Variants in CAMSAP1 observed in about 807,000 individuals in gnomAD.
The protein encoded by CAMSAP1 is calmodulin-regulated spectrin-associated protein 1.
CAMSAP1 carries 58 observed loss-of-function variants against 143.5 expected under a neutral mutation model. That is an observed-to-expected ratio of 0.40 (90% CI 0.33 to 0.50). CAMSAP1 has a LOEUF of 0.50. CAMSAP1 is among the 20% of genes least tolerant of loss of function. CAMSAP1 has a pLI of 0.45. For missense variants in CAMSAP1, 1,969 were observed against 2,115.7 expected, an observed-to-expected ratio of 0.93 and a Z score of 1.36; for synonymous variants, 945 against 859.3, an observed-to-expected ratio of 1.10 and a Z score of -1.74.
rs111392310 is a variant in CAMSAP1, at chr9:135,840,976, G to T, written c.1045+9161C>A. 3.4e-3 allele frequency among the ~76,000 whole-genome samples: 521 copies of T among 152,196 alleles called. 3 individuals carry two copies. Among genetic ancestry groups the T allele is most frequent in the Middle Eastern group, 0.014 (4 of 294 alleles). On this transcript the variant is annotated intron_variant, in intron 7 of 16. Coordinates refer to ENST00000389532, the MANE Select transcript of CAMSAP1 (RefSeq NM_015447.4). ...GAGTTTTTTTTCATACCCTAGTGGTGCCTGGAACGCCAGCGAGGCAGAACT... is the reference window on the plus strand; with the variant it reads ...GAGTTTTTTTTCATACCCTAGTGGTTCCTGGAACGCCAGCGAGGCAGAACT...
intron 7 of CAMSAP1, among the ~76,000 whole-genome samples, chr9:135,838,036 T>C (rs561310407): frequency 7.1e-4 from 108 of 151,432 alleles, no homozygotes; most frequent in Admixed American, 2.3e-3. Context: ...TTCTACCCCC[T>C]GTACAGACAC....
intron 1 of CAMSAP1, among the ~76,000 whole-genome samples, chr9:135,892,848 CAAAAAAA>C (rs59978082): frequency 0.1 from 4,331 of 42,134 alleles, 368 homozygotes; most frequent in Middle Eastern, 0.19. Flanking sequence ...AAGACTGTCT[CAAAAAAA>C]AAAAAAAAAA....
Position 135,823,179 on chromosome 9 carries a change from G to A in CAMSAP1, c.1482C>T (p.Ser494=). 1.2e-6 allele frequency: 2 copies of A among 1,603,320 alleles called. No homozygotes were observed. Among genetic ancestry groups the A allele is most frequent in the Non-Finnish European group, 1.7e-6 (2 of 1,173,098 alleles). The change falls in exon 11 of 17, where the codon AGC becomes AGT. Residue 494 remains serine, a synonymous_variant. Coordinates refer to ENST00000389532, the MANE Select transcript of CAMSAP1 (RefSeq NM_015447.4). ...TGTCTTTGCTGATGGAGCGGGCCAA[G>A]CTGATGCTGTCGCCAGAGCTGGGAT... is the stretch of plus-strand genomic sequence containing the variant. ...EVDPSSGDSI[S]LARSISKDSL...
chr9:135,821,175 C>A lies in CAMSAP1; in HGVS notation c.3486G>T (p.Gly1162=), dbSNP rs1371973379. 3 of 1,610,892 alleles carry A rather than the reference C, an allele frequency of 1.9e-6. No homozygotes were observed. Among genetic ancestry groups the A allele is most frequent in the Non-Finnish European group, 2.5e-6 (3 of 1,179,892 alleles). ...GCCTGTAACTGTCGAAGAGACACTTCCCATGTGGGTCACCACTGGGCTCCA... is the reference window on the plus strand; with the variant it reads ...GCCTGTAACTGTCGAAGAGACACTTACCATGTGGGTCACCACTGGGCTCCA... The part of the protein sequence containing the change: ...SALEPSGDPH[G]KCLFDSYRLH... Residue 1162 remains glycine (G), a synonymous_variant, in exon 11 of 17, where the codon GGG becomes GGT. Transcript: ENST00000389532. The surrounding 1 kb of genome is among the most constrained non-coding windows in gnomAD (Gnocchi z 4.6).
intron 3 of CAMSAP1, among the ~76,000 whole-genome samples, chr9:135,881,108 C>T (rs950075377): frequency 6.6e-6 from 1 of 151,978 alleles, no homozygotes; most frequent in Non-Finnish European, 1.5e-5. Context: ...TTCAGGAGGT[C>T]AAGGAGGGAG....
At position 135,882,621 on chromosome 9, in the gene CAMSAP1, C is replaced by T. The variant is rs1837995808; in HGVS notation, c.423+195G>A. On this transcript the variant is annotated intron_variant, in intron 2 of 16. Transcript: ENST00000389532. The surrounding 1 kb of genome is among the most constrained non-coding windows in gnomAD (Gnocchi z 4.9). The stretch of plus-strand genomic sequence containing the variant: ...AGAAAAAGAGCTCAATGAAAGCTCT[C>T]TTTTCCCCATTCTCCACAACAGTCA... Among the ~76,000 whole-genome samples the T allele has an allele frequency of 1.3e-5, 2 of 152,236 alleles. No homozygotes were observed. Among genetic ancestry groups the T allele is most frequent in the South Asian group, 2.1e-4 (1 of 4,826 alleles).
intron 14 of CAMSAP1, 29 bp from the exon 15 acceptor site, chr9:135,816,034 C>G (rs761991213): frequency 8.1e-6 from 13 of 1,603,550 alleles, no homozygotes; most frequent in Non-Finnish European, 1.0e-5. Context: ...AAGAGACAGG[C>G]AGGTGAAGCG....
chr9:135,894,348 C>T (rs529698892), intron 1 of CAMSAP1, among the ~76,000 whole-genome samples: 1 of 152,326 alleles, frequency 6.6e-6, no homozygotes, highest in African/African-American at 2.4e-5. Context: ...CTGAGGGAAG[C>T]CATCCGAGGG....
intron 5 of CAMSAP1, 39 bp downstream of exon 5, chr9:135,862,428 C>T (rs1288923396): frequency 1.3e-6 from 2 of 1,546,366 alleles, no homozygotes; most frequent in East Asian, 4.9e-5. Context: ...TTCCTTTAAG[C>T]CTTTTCGGAT....
At chr9:135,864,167 C>G (rs1423350528) in intron 4 of CAMSAP1, among the ~76,000 whole-genome samples, 2 of 152,188 alleles carry the variant, frequency 1.3e-5, no homozygotes, top group Admixed American at 6.5e-5. Flanking sequence ...AGGGACCCAC[C>G]ACCCTTGGTA....
intron 3 of CAMSAP1, among the ~76,000 whole-genome samples, chr9:135,874,359 C>G (rs1036569352): frequency 1.3e-5 from 2 of 150,338 alleles, no homozygotes; most frequent in Non-Finnish European, 3.0e-5. Flanking sequence ...GTAGTCCCAG[C>G]TATTCAGCAG....
intron 14 of CAMSAP1, 81 bp from the exon 15 acceptor site, chr9:135,816,086 AC>A: frequency 1.5e-6 from 2 of 1,295,744 alleles, no homozygotes; most frequent in South Asian, 1.2e-5. Flanking sequence ...CTGGCCCGCA[AC>A]CAGGACAGGA....
At chr9:135,854,608 G>A (rs1274584572) in intron 5 of CAMSAP1, among the ~76,000 whole-genome samples, 1 of 151,978 alleles carries the variant, frequency 6.6e-6, no homozygotes, top group East Asian at 1.9e-4. Context: ...GACTACAGGT[G>A]CACATCACCA....
chr9:135,815,854 C>G (rs1429763462), intron 15 of CAMSAP1, 36 bp downstream of exon 15: 2 of 1,551,780 alleles, frequency 1.3e-6, no homozygotes, highest in East Asian at 4.5e-5. Flanking sequence ...TATGGCCATG[C>G]CCACGATGAC....
chr9:135,890,358 G>A (rs1438906515), intron 1 of CAMSAP1, among the ~76,000 whole-genome samples: 1 of 152,122 alleles, frequency 6.6e-6, no homozygotes, highest in Non-Finnish European at 1.5e-5. Context: ...CAACTGGGTG[G>A]TGAGGAATCA....
chr9:135,812,603 A>G (rs1368987821), intron 16 of CAMSAP1, among the ~76,000 whole-genome samples: 1 of 152,204 alleles, frequency 6.6e-6, no homozygotes, highest in African/African-American at 2.4e-5. Context: ...GTGCTACTCT[A>G]TTAATGTACT....
At chr9:135,838,989 A>G (rs1038385723) in intron 7 of CAMSAP1, among the ~76,000 whole-genome samples, 3 of 152,034 alleles carry the variant, frequency 2.0e-5, no homozygotes, top group Non-Finnish European at 4.4e-5. Context: ...GTCACCACGC[A>G]CTTTCTACCC....
intron 1 of CAMSAP1, among the ~76,000 whole-genome samples, chr9:135,905,454 G>A (rs1838749231): frequency 6.6e-6 from 1 of 152,202 alleles, no homozygotes; most frequent in South Asian, 2.1e-4. Context: ...AAAACATGCA[G>A]GAGTAAAACT....
chr9:135,862,528 A>G lies in CAMSAP1; in HGVS notation c.747T>C (p.Ser249=). 6.4e-7 allele frequency: 1 copy of G among 1,551,618 alleles called. No individual in the cohort carries two copies. Residue 249 remains serine, a synonymous_variant, in exon 5 of 17, where the codon AGT becomes AGC. Transcript: ENST00000389532. Reference sequence around the variant, plus strand: ...TCACAGCTAAGAGAGCAGCACCATCACTGCCGTCTCTCATCAAATCCTCCA... The same window carrying G: ...TCACAGCTAAGAGAGCAGCACCATCGCTGCCGTCTCTCATCAAATCCTCCA... ...PLLEDLMRDG[S]DGAALLAVIH... is the part of the protein sequence containing the mutation.
Sources: allele counts gnomAD v4.1 joint callset (sites outside exome capture counted in the v4.1 genomes callset), GRCh38; gene constraint gnomAD v4.1.1; non-coding constraint Gnocchi (gnomAD v3.1); transcripts MANE v1.5; gene names NCBI Gene and HGNC (gene_info 2026-07-23, HGNC 2026-07-21).